Variants in ZZZ3 observed in about 807,000 individuals in gnomAD.
ZZZ3 encodes the protein ZZ-type zinc finger-containing protein 3.
Under a neutral mutation model 95.2 loss-of-function variants are expected in ZZZ3, and 22 were observed. The ratio of observed to expected loss-of-function variants is 0.23; its 90% CI spans 0.17 to 0.33. ZZZ3 has a LOEUF of 0.33. ZZZ3 is among the 10% of genes least tolerant of loss of function. The probability of loss-of-function intolerance (pLI) is 1.00; values close to 1 mark genes in which losing one functional copy is unlikely to be tolerated. For synonymous variants in ZZZ3, 335 were observed against 358.9 expected (o/e 0.93, Z 0.75); for missense variants, 885 against 1,066.5 (o/e 0.83, Z 2.37).
At chr1:77,653,644 T>A (rs909174153) in intron 1 of ZZZ3, among the ~76,000 whole-genome samples, 2 of 151,882 alleles carry the variant, frequency 1.3e-5, no homozygotes, top group African/African-American at 4.8e-5. Context: ...TCCCAGCTAC[T>A]CGGGAGGCTG....
chr1:77,588,912 G>A (rs914931749), intron 5 of ZZZ3, among the ~76,000 whole-genome samples: 2 of 152,188 alleles, frequency 1.3e-5, no homozygotes, highest in Admixed American at 1.3e-4. Flanking sequence ...ACAGGGAGTC[G>A]CTGTGTTACC....
intron 1 of ZZZ3, among the ~76,000 whole-genome samples, chr1:77,668,747 A>C (rs560800748): frequency 5.8e-4 from 88 of 152,018 alleles, no homozygotes; most frequent in Non-Finnish European, 8.2e-4. Flanking sequence ...TTACCACACC[A>C]CAAAAAAGTG....
chr1:77,664,528 CATT>C (rs1223240922), intron 1 of ZZZ3, among the ~76,000 whole-genome samples: 3 of 152,176 alleles, frequency 2.0e-5, no homozygotes, highest in Admixed American at 1.3e-4. Flanking sequence ...AGTGCCTTAA[CATT>C]AATTGAACAA....
chr1:77,624,642 T>G (rs564469378), intron 5 of ZZZ3, among the ~76,000 whole-genome samples: 1 of 152,330 alleles, frequency 6.6e-6, no homozygotes, highest in East Asian at 1.9e-4. Context: ...ACTCTTCATT[T>G]GGATCCTTCG....
At chr1:77,659,640 G>T (rs1051676547) in intron 1 of ZZZ3, among the ~76,000 whole-genome samples, 6 of 145,976 alleles carry the variant, frequency 4.1e-5, no homozygotes, top group African/African-American at 1.5e-4. Flanking sequence ...CCGAGATCAC[G>T]CCACGGCACT....
At chr1:77,621,653 A>T (rs1666875106) in intron 5 of ZZZ3, among the ~76,000 whole-genome samples, 1 of 151,524 alleles carries the variant, frequency 6.6e-6, no homozygotes, top group Non-Finnish European at 1.5e-5. Flanking sequence ...CCATCTCTAC[A>T]AGAAAATATA....
rs187717970 is a variant in ZZZ3, at chr1:77,678,813, G to A, written c.-403+3772C>T. Among the ~76,000 whole-genome samples, 5 of 152,236 alleles carry A rather than the reference G, an allele frequency of 3.3e-5. No homozygotes were observed. The East Asian group carries it at 9.7e-4, about 29-fold the overall frequency. ...TATACTTGGTTGCAGTCATTTTGAA[G>A]GCTTAGAGATTTTTTTATGTCCAGG... On this transcript the variant is annotated intron_variant, in intron 1 of 14. Transcript: ENST00000370801.
intron 5 of ZZZ3, among the ~76,000 whole-genome samples, chr1:77,615,532 T>C (rs966421569): frequency 6.6e-6 from 1 of 152,256 alleles, no homozygotes; most frequent in Non-Finnish European, 1.5e-5. Context: ...GCTAGAATTC[T>C]TTAGAGCCAA....
intron 5 of ZZZ3, among the ~76,000 whole-genome samples, chr1:77,598,049 T>G (rs576113671): frequency 6.6e-6 from 1 of 152,158 alleles, no homozygotes; most frequent in East Asian, 1.9e-4. Context: ...TAAAAATAAA[T>G]AAATACAGTC....
intron 12 of ZZZ3, among the ~76,000 whole-genome samples, chr1:77,569,989 C>T (rs1661213713): frequency 6.6e-6 from 1 of 152,250 alleles, no homozygotes; most frequent in African/African-American, 2.4e-5. Context: ...AGCCCTACCC[C>T]ACCCATTCCT....
chr1:77,568,087 G>A (rs112436035), intron 13 of ZZZ3, among the ~76,000 whole-genome samples: 21 of 152,134 alleles, frequency 1.4e-4, no homozygotes, highest in African/African-American at 4.8e-4. Context: ...ACTGCAGCCT[G>A]GCCAACATGG....
chr1:77,643,441 A>G (rs1178614953), intron 1 of ZZZ3, among the ~76,000 whole-genome samples: 1 of 152,234 alleles, frequency 6.6e-6, no homozygotes, highest in East Asian at 1.9e-4. Context: ...TACTTCTAGA[A>G]GTTTAAAAAA....
intron 1 of ZZZ3, among the ~76,000 whole-genome samples, chr1:77,677,526 C>T (rs1229179753): frequency 1.3e-5 from 2 of 152,092 alleles, no homozygotes; most frequent in Non-Finnish European, 2.9e-5. Context: ...AGGGTAACAA[C>T]CACTCGAAAG....
intron 1 of ZZZ3, among the ~76,000 whole-genome samples, chr1:77,664,581 T>G (rs905208631): frequency 6.6e-6 from 1 of 152,192 alleles, no homozygotes; most frequent in Non-Finnish European, 1.5e-5. Flanking sequence ...AATTCCATAT[T>G]TTTTTAATTC....
rs577702536 is a variant in ZZZ3, at chr1:77,592,058, C to T, written c.1506-7403G>A. Reference sequence around the variant, plus strand: ...TGGGACCCTATCCCTCACTCCAGCCCCCAAGGAGAGTTGCCTTGGGACTGA... The same window carrying T: ...TGGGACCCTATCCCTCACTCCAGCCTCCAAGGAGAGTTGCCTTGGGACTGA... On this transcript the variant is annotated intron_variant, in intron 5 of 14. Coordinates refer to ENST00000370801, the MANE Select transcript of ZZZ3 (RefSeq NM_015534.6). 2.6e-5 allele frequency among the ~76,000 whole-genome samples: 4 copies of T among 152,106 alleles called. No homozygotes were observed. The South Asian group carries it at 8.3e-4, about 32-fold the overall frequency.
intron 14 of ZZZ3, 106 bp downstream of exon 14, chr1:77,565,975 T>C: frequency 9.1e-7 from 1 of 1,104,538 alleles, no homozygotes; most frequent in Non-Finnish European, 1.3e-6. Context: ...TTTAATTCAC[T>C]AAGTGTGGGT....
intron 5 of ZZZ3, among the ~76,000 whole-genome samples, chr1:77,619,646 T>C (rs1666655510): frequency 6.6e-6 from 1 of 152,186 alleles, no homozygotes; most frequent in African/African-American, 2.4e-5. Flanking sequence ...TTTGGGAGTC[T>C]GGTATTATTA....
At chr1:77,659,685 CAAA>C (rs573522172) in intron 1 of ZZZ3, among the ~76,000 whole-genome samples, 5 of 53,250 alleles carry the variant, frequency 9.4e-5, no homozygotes, top group Admixed American at 2.1e-4. Flanking sequence ...GACTCCATCT[CAAA>C]AAAAAAAAAA....
intron 5 of ZZZ3, among the ~76,000 whole-genome samples, chr1:77,593,485 G>C (rs2100630729): frequency 1.3e-5 from 2 of 152,226 alleles, no homozygotes; most frequent in Middle Eastern, 3.4e-3. Context: ...ATTGTTAAAA[G>C]GATACACATA....
Sources: allele counts gnomAD v4.1 joint callset (sites outside exome capture counted in the v4.1 genomes callset), GRCh38; gene constraint gnomAD v4.1.1; transcripts MANE v1.5; gene names NCBI Gene and HGNC (gene_info 2026-07-23, HGNC 2026-07-21).